FAHD1: variants seen among roughly 807,000 people sequenced by gnomAD.
FAHD1 encodes FAH domain containing oxaloacetate decarboxylase 1, also known as oxaloacetate tautomerase FAHD1, mitochondrial.
In FAHD1, 14 loss-of-function variants were observed where a neutral mutation model predicts 12.7. The ratio of observed to expected loss-of-function variants is 1.10; its 90% CI spans 0.73 to 1.72. The LOEUF is 1.72. Ranked by LOEUF, FAHD1 falls within the 40% of genes most tolerant of loss-of-function variation. The probability of loss-of-function intolerance (pLI) is 0.00; values close to 1 mark genes in which losing one functional copy is unlikely to be tolerated. For synonymous variants in FAHD1, 153 were observed against 124.9 expected (o/e 1.22, Z -1.50); for missense variants, 351 against 298.9 (o/e 1.17, Z -1.29).
downstream of FAHD1, among the ~76,000 whole-genome samples, chr16:1,832,175 A>ATTGTTTTT (rs1567269584): frequency 1.2e-4 from 1 of 8,476 alleles, no homozygotes; most frequent in Non-Finnish European, 2.2e-4. Context: ...GGCTATGGTC[A>ATTGTTTTT]TTCTTTTTTT....
downstream of FAHD1, among the ~76,000 whole-genome samples, chr16:1,831,906 C>G (rs143464318): frequency 1.3e-5 from 2 of 152,138 alleles, no homozygotes; most frequent in East Asian, 1.9e-4. Context: ...CCCCGCCCCC[C>G]GACCCGGCAA....
downstream of FAHD1, among the ~76,000 whole-genome samples, chr16:1,832,069 G>A (rs1375857585): frequency 2.0e-5 from 3 of 151,664 alleles, no homozygotes; most frequent in Non-Finnish European, 4.4e-5. Flanking sequence ...GACACTTTTT[G>A]CCAAATTGCA....
At position 1,834,636 on chromosome 16, in the gene FAHD1, G is replaced by A. The variant is rs547763153; in HGVS notation, c.628-3380G>A. On this transcript the variant is annotated intron_variant, in intron 1 of 2. Coordinates refer to the FAHD1 transcript ENST00000382666. The stretch of plus-strand genomic sequence containing the variant: ...TCAGGTAGGAAAGTTGGGATTAAAA[G>A]TCTAATGTGGCCGGGTGCTGGTGCA... 3.9e-5 allele frequency among the ~76,000 whole-genome samples: 6 copies of A among 152,340 alleles called. No homozygotes were observed. In the South Asian group the frequency reaches 1.2e-3, roughly 32 times the overall value.
exon 1 of FAHD1, chr16:1,827,874 G>A: frequency 6.2e-7 from 1 of 1,613,626 alleles, no homozygotes; most frequent in Non-Finnish European, 8.5e-7. Flanking sequence ...TGGTCAGTAT[G>A]ACATTTAAAG....
chr16:1,832,892 C>G (rs1898649493), downstream of FAHD1, among the ~76,000 whole-genome samples: 2 of 152,212 alleles, frequency 1.3e-5, no homozygotes, highest in Non-Finnish European at 2.9e-5. Context: ...CTTATCACCA[C>G]AATTTGGACA....
chr16:1,831,644 A>G (rs1898621664), downstream of FAHD1, among the ~76,000 whole-genome samples: 1 of 152,166 alleles, frequency 6.6e-6, no homozygotes, highest in Non-Finnish European at 1.5e-5. Context: ...TATACTCTAC[A>G]GCAAGGGTCC....
Position 1,828,286 on chromosome 16 carries a change from A to AG in FAHD1, c.*382_*383insG, listed in dbSNP as rs1377507987. On this transcript the variant is annotated 3_prime_UTR_variant, in exon 1 of 1. Transcript: ENST00000427358. ...CGAGACTCCGTCTCAAAAAAAAAAA[A>AG]AAAAAAAGAAACCATTTATTTTAAA... 365 of 1,003,414 alleles carry AG rather than the reference A, an allele frequency of 3.6e-4. 3 individuals are homozygous for AG. The African/African-American group carries it at 5.8e-3, about 16-fold the overall frequency. 62.2% of individuals were successfully genotyped at this position (1,003,414 alleles called of 1,614,324 possible). A position where few individuals can be genotyped will look rare whatever the true frequency, so the allele number is the denominator to read the frequency against.
chr16:1,828,274 CAAAAAAAA>C (rs71145497), exon 1 of FAHD1: 3 of 801,786 alleles, frequency 3.7e-6, no homozygotes, highest in Non-Finnish European at 4.4e-6. Flanking sequence ...GACTCCGTCT[CAAAAAAAA>C]AAAAAAAAAA....
exon 1 of FAHD1, chr16:1,827,559 C>G: frequency 1.2e-6 from 2 of 1,613,418 alleles, no homozygotes; most frequent in Non-Finnish European, 1.7e-6. Context: ...ACGTGCAGGA[C>G]GAGTGCAAGA....
At chr16:1,835,598 T>C (rs1898723170) in intron 1 of FAHD1, among the ~76,000 whole-genome samples, 2 of 152,178 alleles carry the variant, frequency 1.3e-5, no homozygotes, top group South Asian at 4.1e-4. Flanking sequence ...GTTGTGGTAG[T>C]CTGACATTGG....
chr16:1,828,274 CAAA>C (rs71145497), exon 1 of FAHD1: 1,052 of 796,322 alleles, frequency 1.3e-3, no homozygotes, highest in South Asian at 1.6e-3. Flanking sequence ...GACTCCGTCT[CAAA>C]AAAAAAAAAA....
chr16:1,828,310 A>G (rs1348364029), exon 1 of FAHD1: 15 of 1,007,500 alleles, frequency 1.5e-5, no homozygotes, highest in Non-Finnish European at 1.8e-5. Context: ...ATTTATTTTA[A>G]AAATGATTAG....
exon 3 of FAHD1, chr16:1,839,799 A>T: frequency 1.2e-5 from 2 of 170,656 alleles, no homozygotes; most frequent in South Asian, 1.6e-4. Flanking sequence ...CTCAGGACTG[A>T]CTGGTGCTGT....
chr16:1,831,904 C>G (rs532457990), downstream of FAHD1, among the ~76,000 whole-genome samples: 1 of 152,208 alleles, frequency 6.6e-6, no homozygotes, highest in South Asian at 2.1e-4. Flanking sequence ...ATCCCCGCCC[C>G]CCGACCCGGC....
Position 1,827,490 on chromosome 16 carries a change from G to A in FAHD1, c.252G>A (p.Glu84=), listed in dbSNP as rs748596830. ...GCAAGCGCTGCCGCGCAGTCCCCGA[G>A]GCTGCGGCCATGGACTACGTGGGCG... The change falls in exon 1 of 1, where the codon GAG becomes GAA. Residue 84 remains glutamate (E), a synonymous_variant. Transcript: ENST00000427358. 3.1e-6 allele frequency: 5 copies of A among 1,612,738 alleles called. No individual in the cohort carries two copies. In the East Asian group the frequency reaches 6.7e-5, roughly 22 times the overall value.
At chr16:1,834,196 TC>T (rs1425422547) in intron 1 of FAHD1, 1 of 851,042 alleles carries the variant, frequency 1.2e-6, no homozygotes, top group African/African-American at 1.7e-5. Flanking sequence ...AAATTAATAT[TC>T]CATTTTAAAG....
chr16:1,839,649 A>C (rs1014265425), exon 3 of FAHD1: 2 of 490,464 alleles, frequency 4.1e-6, no homozygotes, highest in African/African-American at 2.0e-5. Flanking sequence ...AACTGCGTAC[A>C]CCAGTCCTCT....
downstream of FAHD1, among the ~76,000 whole-genome samples, chr16:1,830,597 C>T (rs991473846): frequency 1.3e-5 from 2 of 152,206 alleles, no homozygotes; most frequent in Non-Finnish European, 2.9e-5. Context: ...AGCTTTGTCA[C>T]AAACATTGAC....
chr16:1,828,510 A>G, exon 1 of FAHD1: 2 of 1,000,250 alleles, frequency 2.0e-6, no homozygotes, highest in Non-Finnish European at 2.4e-6. Flanking sequence ...CTCTAGGATG[A>G]TCAGTAGTTC....
Sources: allele counts gnomAD v4.1 joint callset (sites outside exome capture counted in the v4.1 genomes callset), GRCh38; gene constraint gnomAD v4.1.1; transcripts MANE v1.5; gene names NCBI Gene and HGNC (gene_info 2026-07-23, HGNC 2026-07-21).